DNM3: variants seen among roughly 807,000 people sequenced by gnomAD.
DNM3 encodes dynamin-3.
In DNM3, 47 loss-of-function variants were observed where a neutral mutation model predicts 101.6. The observed-to-expected ratio is 0.46, with a 90% CI of 0.37 to 0.59. The LOEUF (loss-of-function observed/expected upper bound fraction) is 0.59, where lower values mean the gene tolerates loss of function less well. DNM3 is among the 20% of genes least tolerant of loss of function. The pLI, the probability that DNM3 is intolerant of heterozygous loss-of-function variation, is 0.00. For synonymous variants in DNM3, 385 were observed against 387.9 expected, an observed-to-expected ratio of 0.99 and a Z score of 0.09; for missense variants, 849 against 1,085.7, an observed-to-expected ratio of 0.78 and a Z score of 3.06.
chr1:171,960,107 T>C (rs754792716), intron 2 of DNM3, among the ~76,000 whole-genome samples: 14 of 152,124 alleles, frequency 9.2e-5, no homozygotes, highest in Non-Finnish European at 1.6e-4. Context: ...TCAAATCCAA[T>C]GACTGCTGAA....
intron 18 of DNM3, chr1:172,380,637 A>G (rs2068844821): frequency 6.6e-6 from 1 of 152,108 alleles, no homozygotes; most frequent in Non-Finnish European, 1.5e-5. Flanking sequence ...CTAAAACTAC[A>G]GTGAGGTACC....
chr1:172,231,160 G>T (rs1299023835), intron 14 of DNM3, among the ~76,000 whole-genome samples: 5 of 150,416 alleles, frequency 3.3e-5, no homozygotes, highest in Non-Finnish European at 7.4e-5. Context: ...AGGCTACTTG[G>T]CGGTCAGGGA....
intron 16 of DNM3, among the ~76,000 whole-genome samples, chr1:172,321,195 GAA>G (rs959349200): frequency 6.6e-6 from 1 of 152,146 alleles, no homozygotes; most frequent in African/African-American, 2.4e-5. Flanking sequence ...AATAACAGGA[GAA>G]AAAGTCTCTG....
At chr1:172,227,302 A>ATATATATATATATC (rs1557846135) in intron 14 of DNM3, among the ~76,000 whole-genome samples, 11 of 127,568 alleles carry the variant, frequency 8.6e-5, no homozygotes, top group Non-Finnish European at 1.0e-4. Flanking sequence ...ATATATATAT[A>ATATATATATATATC]TATCACATTT....
chr1:172,266,281 T>G (rs1218493150), intron 15 of DNM3, among the ~76,000 whole-genome samples: 1 of 152,188 alleles, frequency 6.6e-6, no homozygotes, highest in Non-Finnish European at 1.5e-5. Context: ...AAATGAATAT[T>G]CTGGGTGGTA....
chr1:171,904,132 AC>A (rs1442879618), intron 1 of DNM3, among the ~76,000 whole-genome samples: 1 of 145,772 alleles, frequency 6.9e-6, no homozygotes, highest in Non-Finnish European at 1.5e-5. Context: ...ACATGGTGAA[AC>A]CCCGTCTCCT....
At chr1:172,167,334 G>C (rs912231626) in intron 14 of DNM3, among the ~76,000 whole-genome samples, 1 of 152,034 alleles carries the variant, frequency 6.6e-6, no homozygotes, top group African/African-American at 2.4e-5. Context: ...GGACATTTGG[G>C]TTGGTTCCAA....
chr1:172,290,061 G>A (rs2148814695), intron 15 of DNM3: 1 of 902,998 alleles, frequency 1.1e-6, no homozygotes, highest in Middle Eastern at 5.8e-4. Flanking sequence ...AATAATCTTT[G>A]AAGAACTTTG....
At chr1:172,317,689 G>A (rs977103144) in intron 16 of DNM3, among the ~76,000 whole-genome samples, 5 of 152,256 alleles carry the variant, frequency 3.3e-5, no homozygotes, top group African/African-American at 9.6e-5. Context: ...ACTAAACCAG[G>A]AAGAAGTTGA....
intron 15 of DNM3, among the ~76,000 whole-genome samples, chr1:172,275,489 A>C (rs192860087): frequency 4.6e-5 from 7 of 152,226 alleles, no homozygotes; most frequent in Admixed American, 4.6e-4. Context: ...AAGAAAAAAA[A>C]ACTTGAGAAA....
chr1:172,172,292 C>G (rs1236509582), intron 14 of DNM3, among the ~76,000 whole-genome samples: 1 of 151,590 alleles, frequency 6.6e-6, no homozygotes, highest in South Asian at 2.1e-4. Flanking sequence ...GGACTACATT[C>G]CAAGACTCCG....
chr1:172,135,272 G>C lies in DNM3; in HGVS notation c.1659+3984G>C, dbSNP rs186680809. 5.8e-3 allele frequency among the ~76,000 whole-genome samples: 883 copies of C among 152,148 alleles called. 7 individuals are homozygous for C. Among genetic ancestry groups the C allele is most frequent in the African/African-American group, 0.02 (844 of 41,516 alleles). ...TGTTTGTTCCCTGTCCTACCACCAG[G>C]GGACATAGCACTGATAGGAGACACT... On this transcript the variant is annotated intron_variant, in intron 14 of 20. Transcript: ENST00000627582.
chr1:172,105,541 G>C (rs1558576433), intron 13 of DNM3, among the ~76,000 whole-genome samples: 1 of 152,090 alleles, frequency 6.6e-6, no homozygotes. Flanking sequence ...ATAACTGCTA[G>C]GTTTTTCCTT....
rs182371521 is a variant in DNM3, at chr1:172,203,568, C to T, written c.1660-50005C>T. Among the ~76,000 whole-genome samples the T allele has an allele frequency of 2.3e-3, 357 of 152,192 alleles. 1 individual carries two copies. The highest frequency in any genetic ancestry group is 4.4e-3 in the Non-Finnish European group (296 of 68,004). ...ATGATTATGGTAAACAACCAGATTT[C>T]CTTGTGAAGTAGACTCATGTTATTT... On this transcript the variant is annotated intron_variant, in intron 14 of 20. Transcript: ENST00000627582.
chr1:172,064,235 A>G (rs1170774649), intron 10 of DNM3, among the ~76,000 whole-genome samples: 1 of 152,196 alleles, frequency 6.6e-6, no homozygotes, highest in African/African-American at 2.4e-5. Context: ...TTCTAGATCA[A>G]TATTATTTAG....
chr1:172,305,255 A>G (rs889115012), intron 15 of DNM3, among the ~76,000 whole-genome samples: 13 of 152,118 alleles, frequency 8.5e-5, no homozygotes, highest in Non-Finnish European at 1.6e-4. Flanking sequence ...CTACAAACAC[A>G]TCTACACAAA....
chr1:172,044,074 A>T (rs565847725), intron 8 of DNM3, among the ~76,000 whole-genome samples: 1 of 152,298 alleles, frequency 6.6e-6, no homozygotes, highest in South Asian at 2.1e-4. Context: ...TACCATATTC[A>T]GCAAAAGAAT....
intron 13 of DNM3, among the ~76,000 whole-genome samples, chr1:172,107,966 G>C (rs540860903): frequency 6.6e-6 from 1 of 151,946 alleles, no homozygotes; most frequent in East Asian, 1.9e-4. Context: ...TCATAAAAAA[G>C]AAAGCTTATG....
intron 2 of DNM3, among the ~76,000 whole-genome samples, chr1:171,958,378 T>TTATGTG (rs2042995711): frequency 6.6e-6 from 1 of 152,304 alleles, no homozygotes; most frequent in African/African-American, 2.4e-5. Flanking sequence ...ACTTGTATTT[T>TTATGTG]TATGTGTATG....
Sources: gnomAD v4.1 joint callset for allele counts (sites outside exome capture counted in the v4.1 genomes callset) on GRCh38, gnomAD v4.1.1 for gene constraint, MANE v1.5 for transcripts, NCBI Gene and HGNC (gene_info 2026-07-23, HGNC 2026-07-21) for gene names.